The following PGGT1B variants were observed in gnomAD, a reference collection of about 807,000 sequenced individuals.
PGGT1B encodes geranylgeranyl transferase type-1 subunit beta.
A neutral mutation model predicts 46.1 loss-of-function variants in PGGT1B; 30 were observed. The ratio of observed to expected loss-of-function variants is 0.65; its 90% confidence interval spans 0.49 to 0.88. PGGT1B has a LOEUF of 0.88. PGGT1B is among the 40% of genes least tolerant of loss of function. PGGT1B has a pLI of 0.00. For synonymous variants in PGGT1B, 170 were observed against 160.0 expected, an observed-to-expected ratio of 1.06 and a Z score of -0.47; for missense variants, 376 against 455.9, an observed-to-expected ratio of 0.82 and a Z score of 1.60.
chr5:115,257,031 T>A (rs969522747), intron 1 of PGGT1B, among the ~76,000 whole-genome samples: 2 of 152,190 alleles, frequency 1.3e-5, no homozygotes, highest in Non-Finnish European at 1.5e-5. Flanking sequence ...TGTTCACCCC[T>A]CTTCTCTCAC....
At chr5:115,234,171 T>C (rs914337901) in intron 5 of PGGT1B, among the ~76,000 whole-genome samples, 2 of 149,810 alleles carry the variant, frequency 1.3e-5, no homozygotes, top group Admixed American at 1.3e-4. Flanking sequence ...TTGGTGTTTT[T>C]TTTTTTCTCC....
rs1383050065 is a variant in PGGT1B, at chr5:115,207,916, T to C, written c.*4486A>G. On this transcript the variant is annotated 3_prime_UTR_variant, in exon 9 of 9. Transcript: ENST00000419445. The stretch of plus-strand genomic sequence containing the variant: ...TAGGTAGAGGTACAATGTTAATAGA[T>C]TATTCATCAATTTCTACTTAGTATA... 2 of 152,100 alleles carry C rather than the reference T, an allele frequency of 1.3e-5. No homozygotes were observed. Among genetic ancestry groups the C allele is most frequent in the African/African-American group, 2.4e-5 (1 of 41,446 alleles). 9.4% of individuals were successfully genotyped at this position (152,100 alleles called of 1,614,324 possible). A position where few individuals can be genotyped will look rare whatever the true frequency, so the allele number is the denominator to read the frequency against.
At chr5:115,222,861 C>A (rs756896116) in intron 6 of PGGT1B, among the ~76,000 whole-genome samples, 1 of 152,108 alleles carries the variant, frequency 6.6e-6, no homozygotes, top group Non-Finnish European at 1.5e-5. Flanking sequence ...AGCAAACTAT[C>A]GCAAGGACAG....
intron 7 of PGGT1B, among the ~76,000 whole-genome samples, chr5:115,220,933 T>C (rs1477304495): frequency 1.3e-5 from 2 of 151,994 alleles, no homozygotes; most frequent in East Asian, 3.8e-4. Context: ...CGGTTGATAA[T>C]TGTTGAGACT....
At chr5:115,221,769 C>T in intron 7 of PGGT1B, 55 bp downstream of exon 7, 1 of 1,108,318 alleles carries the variant, frequency 9.0e-7, no homozygotes, top group Non-Finnish European at 1.3e-6. Flanking sequence ...ACCTTTTTAG[C>T]ACAATCTATA....
intron 1 of PGGT1B, among the ~76,000 whole-genome samples, chr5:115,260,034 A>C (rs1484123024): frequency 6.6e-6 from 1 of 152,178 alleles, no homozygotes; most frequent in Non-Finnish European, 1.5e-5. Flanking sequence ...GTAATTGATA[A>C]AGCTCCCAAC....
chr5:115,227,596 T>C (rs768727409), intron 6 of PGGT1B, among the ~76,000 whole-genome samples: 11 of 152,132 alleles, frequency 7.2e-5, no homozygotes, highest in Admixed American at 3.3e-4. Context: ...GCTTTCTAGA[T>C]TTCCCTGTAT....
intron 2 of PGGT1B, among the ~76,000 whole-genome samples, chr5:115,245,018 G>T (rs1330314057): frequency 6.6e-6 from 1 of 151,860 alleles, no homozygotes. Flanking sequence ...TCTTGGGATT[G>T]TCTTTTTTAA....
chr5:115,233,054 A>T (rs1757046585), intron 5 of PGGT1B, among the ~76,000 whole-genome samples: 1 of 152,032 alleles, frequency 6.6e-6, no homozygotes, highest in Non-Finnish European at 1.5e-5. Flanking sequence ...TTAAACTAGG[A>T]ATTCTTATCA....
intron 4 of PGGT1B, among the ~76,000 whole-genome samples, chr5:115,236,786 T>C (rs1369448256): frequency 1.3e-5 from 2 of 152,148 alleles, no homozygotes; most frequent in African/African-American, 4.8e-5. Context: ...TACTCCCTCC[T>C]GGATGCTTAC....
intron 1 of PGGT1B, among the ~76,000 whole-genome samples, chr5:115,260,323 C>T (rs561283399): frequency 2.2e-4 from 33 of 151,968 alleles, no homozygotes; most frequent in Non-Finnish European, 2.1e-4. Context: ...TAAAAAGAAA[C>T]GAACAGAGGA....
At chr5:115,230,850 C>T in intron 6 of PGGT1B, 126 bp downstream of exon 6, 1 of 645,680 alleles carries the variant, frequency 1.5e-6, no homozygotes, top group Non-Finnish European at 2.8e-6. Flanking sequence ...AGGAAAGTGA[C>T]AAAGAAGAAA....
intron 1 of PGGT1B, among the ~76,000 whole-genome samples, chr5:115,254,396 C>T (rs1370345104): frequency 1.3e-5 from 2 of 152,020 alleles, no homozygotes; most frequent in Non-Finnish European, 2.9e-5. Flanking sequence ...ATACATCTTA[C>T]ACACGAAGCT....
chr5:115,228,139 C>T (rs1172778435), intron 6 of PGGT1B, among the ~76,000 whole-genome samples: 2 of 152,164 alleles, frequency 1.3e-5, no homozygotes, highest in African/African-American at 4.8e-5. Context: ...GTTTGAGATA[C>T]TGAAGTCATA....
chr5:115,256,253 A>C (rs1028853545), intron 1 of PGGT1B, among the ~76,000 whole-genome samples: 1 of 152,210 alleles, frequency 6.6e-6, no homozygotes, highest in Non-Finnish European at 1.5e-5. Flanking sequence ...AGGTCCATAC[A>C]ACCAAGAATT....
At position 115,257,822 on chromosome 5, in the gene PGGT1B, A is replaced by G. The variant is rs181872361; in HGVS notation, c.141-4567T>C. On this transcript the variant is annotated intron_variant, in intron 1 of 8. Transcript: ENST00000419445. Reference sequence around the variant, plus strand: ...ATTATAAATAAGCATCTACATTAAGAAATAAGAACACAAATAAAATTGATA... The same window carrying G: ...ATTATAAATAAGCATCTACATTAAGGAATAAGAACACAAATAAAATTGATA... 3.8e-3 allele frequency among the ~76,000 whole-genome samples: 574 copies of G among 152,322 alleles called. 1 individual carries two copies. Among genetic ancestry groups the G allele is most frequent in the Middle Eastern group, 0.014 (4 of 294 alleles).
intron 7 of PGGT1B, 109 bp downstream of exon 7, chr5:115,221,715 G>T: frequency 1.8e-6 from 1 of 565,952 alleles, no homozygotes; most frequent in Non-Finnish European, 2.9e-6. Flanking sequence ...AGAAAATCCA[G>T]TAGCCTAAAC....
At chr5:115,229,114 C>T (rs947943829) in intron 6 of PGGT1B, among the ~76,000 whole-genome samples, 14 of 152,090 alleles carry the variant, frequency 9.2e-5, no homozygotes, top group Non-Finnish European at 1.5e-4. Flanking sequence ...GGAAAGAAAA[C>T]TAAACCAAAA....
Position 115,257,368 on chromosome 5 carries a change from G to GC in PGGT1B, c.141-4114dup, listed in dbSNP as rs569769474. 1.1e-4 allele frequency among the ~76,000 whole-genome samples: 16 copies of GC among 151,960 alleles called. No homozygotes were observed. The East Asian group carries it at 3.1e-3, about 29-fold the overall frequency. Reference sequence around the variant, plus strand: ...TCTCTACTAAAAATACAAAAAGTCAGCTAGGCGTGGTGGTGGGCACCTGTA... The same window carrying GC: ...TCTCTACTAAAAATACAAAAAGTCAGCCTAGGCGTGGTGGTGGGCACCTGTA... On this transcript the variant is annotated intron_variant, in intron 1 of 8. Coordinates refer to ENST00000419445, the MANE Select transcript of PGGT1B (RefSeq NM_005023.4).
Sources: allele counts gnomAD v4.1 joint callset (sites outside exome capture counted in the v4.1 genomes callset), GRCh38; gene constraint gnomAD v4.1.1; transcripts MANE v1.5; gene names NCBI Gene and HGNC (gene_info 2026-07-23, HGNC 2026-07-21).